BTAF1: variants seen among roughly 807,000 people sequenced by gnomAD.
The protein encoded by BTAF1 is B-TFIID TATA-box binding protein associated factor 1, also known as TATA-binding protein-associated factor 172.
In BTAF1, 38 loss-of-function variants were observed where a neutral mutation model predicts 227.1. The observed-to-expected ratio is 0.17, with a 90% CI of 0.13 to 0.22. The LOEUF (loss-of-function observed/expected upper bound fraction) is 0.22. Among genes scored for constraint, BTAF1 ranks in the 10% least tolerant of loss-of-function variants. The pLI, the probability that BTAF1 is intolerant of heterozygous loss-of-function variation, is 1.00. For synonymous variants in BTAF1, 742 were observed against 751.9 expected (o/e 0.99, Z 0.21); for missense variants, 1,598 against 2,204.0 (o/e 0.73, Z 5.51).
At chr10:91,986,022 A>T (rs1440104797) in intron 19 of BTAF1, among the ~76,000 whole-genome samples, 3 of 146,184 alleles carry the variant, frequency 2.1e-5, no homozygotes, top group African/African-American at 7.5e-5. Context: ...GACTTCAGTA[A>T]TTTTTTTTTT....
Position 92,030,826 on chromosome 10 carries a change from A to G in BTAF1, c.*1893A>G, listed in dbSNP as rs1851846930. On this transcript the variant is annotated 3_prime_UTR_variant, in exon 38 of 38. Coordinates refer to ENST00000265990, the MANE Select transcript of BTAF1 (RefSeq NM_003972.3). ...TTAAAATAATCTTTTGAGTTGTAAA[A>G]TAGTAAATCACACATTCCAACTTTT... Among the ~76,000 whole-genome samples, 1 of 152,200 alleles carries G rather than the reference A, an allele frequency of 6.6e-6. No individual in the cohort carries two copies. The highest frequency in any genetic ancestry group is 2.1e-4 in the South Asian group (1 of 4,828).
intron 8 of BTAF1, among the ~76,000 whole-genome samples, chr10:91,957,786 A>G (rs1846203377): frequency 6.6e-6 from 1 of 152,190 alleles, no homozygotes; most frequent in East Asian, 1.9e-4. Context: ...ACATTTATTT[A>G]GAATACCTTT....
intron 20 of BTAF1, among the ~76,000 whole-genome samples, chr10:91,990,890 T>G (rs1399017912): frequency 6.6e-6 from 1 of 151,874 alleles, no homozygotes; most frequent in Admixed American, 6.6e-5. Flanking sequence ...GCAGATAACT[T>G]GAGGCCAGGA....
chr10:92,013,218 T>C (rs1850491218), intron 30 of BTAF1, among the ~76,000 whole-genome samples: 1 of 152,234 alleles, frequency 6.6e-6, no homozygotes, highest in Admixed American at 6.5e-5. Flanking sequence ...TTGGAAAGAA[T>C]CTGTGTCTTT....
rs553743811 is a variant in BTAF1 at position 91,990,093 on chromosome 10, G to A, written c.2854+513G>A. Among the ~76,000 whole-genome samples, 12 of 152,276 alleles carry A rather than the reference G, an allele frequency of 7.9e-5. No homozygotes were observed. The South Asian group carries it at 2.3e-3, about 29-fold the overall frequency. ...TTTTTTGTTTTCACTTGGAGAATTT[G>A]TATGGAAAATGAGAACTGCCCTCTG... On this transcript the variant is annotated intron_variant, in intron 20 of 37. Transcript: ENST00000265990.
intron 19 of BTAF1, among the ~76,000 whole-genome samples, chr10:91,987,552 G>A (rs767940606): frequency 1.1e-4 from 16 of 151,896 alleles, no homozygotes; most frequent in Admixed American, 2.0e-4. Flanking sequence ...TCAGATCTTA[G>A]TACTTTATAT....
chr10:91,997,149 AT>A, intron 24 of BTAF1: 1 of 1,289,338 alleles, frequency 7.8e-7, no homozygotes, highest in South Asian at 1.2e-5. Flanking sequence ...AATACTGAAG[AT>A]TACAGGAGAA....
intron 19 of BTAF1, among the ~76,000 whole-genome samples, chr10:91,987,020 C>T (rs1436566771): frequency 5.3e-5 from 8 of 151,604 alleles, no homozygotes; most frequent in Admixed American, 2.6e-4. Flanking sequence ...GTACTGTGTG[C>T]TGTCTACTCT....
At chr10:91,987,635 G>A (rs909272671) in intron 19 of BTAF1, among the ~76,000 whole-genome samples, 1 of 152,096 alleles carries the variant, frequency 6.6e-6, no homozygotes, top group Non-Finnish European at 1.5e-5. Flanking sequence ...TGCTAGACTA[G>A]CAATGCTCTT....
chr10:92,010,515 G>A (rs1850224612), intron 28 of BTAF1, among the ~76,000 whole-genome samples: 1 of 152,084 alleles, frequency 6.6e-6, no homozygotes, highest in Non-Finnish European at 1.5e-5. Context: ...TTACTATTGG[G>A]CTTCAGTCTA....
chr10:91,964,325 A>G (rs1357069735), intron 13 of BTAF1, 124 bp downstream of exon 13: 7 of 1,115,668 alleles, frequency 6.3e-6, no homozygotes, highest in African/African-American at 4.8e-5. Context: ...GGAGATGCCA[A>G]AGACTACCGT....
chr10:91,944,245 G>C (rs1474614639), intron 4 of BTAF1, among the ~76,000 whole-genome samples: 2 of 152,018 alleles, frequency 1.3e-5, no homozygotes, highest in African/African-American at 4.8e-5. Flanking sequence ...GTTTTTTAGT[G>C]CTAGTAAGTC....
chr10:91,992,845 T>TA (rs1209455233), intron 21 of BTAF1, among the ~76,000 whole-genome samples: 1 of 152,196 alleles, frequency 6.6e-6, no homozygotes, highest in African/African-American at 2.4e-5. Flanking sequence ...GTCCACCTGT[T>TA]ACACCGTACA....
rs112004463 is a variant in BTAF1, at chr10:91,962,625, G to A, written c.1351G>A (p.Ala451Thr). 1 of 1,611,418 alleles carries A rather than the reference G, an allele frequency of 6.2e-7. No individual in the cohort carries two copies. The highest frequency in any genetic ancestry group is 8.5e-7 in the Non-Finnish European group (1 of 1,178,774). Residue 451 changes from alanine (A) to threonine (T), a missense_variant, in exon 12 of 38, where the codon GCA becomes ACA. Transcript: ENST00000265990. ...DLDDDVRAVA[A>T]ASLVPVVESL... is the part of the protein sequence containing the mutation. The stretch of plus-strand genomic sequence containing the variant: ...TGATGATGATGTCAGAGCTGTTGCT[G>A]CAGCATCATTAGTGCCTGTAGTAGA...
intron 20 of BTAF1, among the ~76,000 whole-genome samples, chr10:91,991,791 GTGTGTGTATATATATATATATA>G (rs1440978649): frequency 8.9e-4 from 61 of 68,472 alleles, no homozygotes; most frequent in African/African-American, 1.3e-3. Context: ...GTGTGTGTGT[GTGTGTGTATATATATATATATA>G]TATATATATA....
At chr10:91,925,185 A>G (rs1032752363) in intron 1 of BTAF1, among the ~76,000 whole-genome samples, 1 of 152,258 alleles carries the variant, frequency 6.6e-6, no homozygotes, top group African/African-American at 2.4e-5. Context: ...AGTATGGGGC[A>G]TCTGATTTTT....
At chr10:91,982,355 A>G (rs551622331) in intron 17 of BTAF1, 130 bp downstream of exon 17, 2 of 1,297,382 alleles carry the variant, frequency 1.5e-6, no homozygotes, top group Admixed American at 5.1e-5. Flanking sequence ...ATTATAGCCT[A>G]AGGAAAAATT....
At chr10:91,958,598 G>A (rs973808014) in intron 8 of BTAF1, among the ~76,000 whole-genome samples, 9 of 152,066 alleles carry the variant, frequency 5.9e-5, no homozygotes, top group Non-Finnish European at 8.8e-5. Flanking sequence ...GCTACTTGGG[G>A]GGCTTGAGGC....
At chr10:91,926,594 C>T (rs1419678313) in intron 1 of BTAF1, among the ~76,000 whole-genome samples, 1 of 152,174 alleles carries the variant, frequency 6.6e-6, no homozygotes, top group Non-Finnish European at 1.5e-5. Flanking sequence ...AGAGACGCTT[C>T]CCTTTTGTCA....
Sources: gnomAD v4.1 joint callset for allele counts (sites outside exome capture counted in the v4.1 genomes callset) on GRCh38, gnomAD v4.1.1 for gene constraint, MANE v1.5 for transcripts, NCBI Gene and HGNC (gene_info 2026-07-23, HGNC 2026-07-21) for gene names.